The following HFM1 variants were observed in gnomAD, a reference collection of about 807,000 sequenced individuals.
HFM1 encodes the protein helicase for meiosis 1, also known as probable ATP-dependent DNA helicase HFM1.
HFM1 carries 169 observed loss-of-function variants against 192.1 expected under a neutral mutation model. The ratio of observed to expected loss-of-function variants is 0.88; its 90% CI spans 0.78 to 1.00. HFM1 has a LOEUF of 1.00. Among genes scored for constraint, HFM1 ranks in the 50% least tolerant of loss-of-function variants. The pLI, the probability that HFM1 is intolerant of heterozygous loss-of-function variation, is 0.00. For missense variants in HFM1, 1,661 were observed against 1,668.0 expected, an observed-to-expected ratio of 1.00 and a Z score of 0.07; for synonymous variants, 525 against 537.8, an observed-to-expected ratio of 0.98 and a Z score of 0.33.
intron 20 of HFM1, among the ~76,000 whole-genome samples, chr1:91,339,486 G>A (rs145425402): frequency 6.6e-6 from 1 of 152,008 alleles, no homozygotes; most frequent in South Asian, 2.1e-4. Flanking sequence ...CTCACTGCAA[G>A]AATTTCATAA....
chr1:91,391,483 C>G (rs927362385), intron 4 of HFM1, among the ~76,000 whole-genome samples: 31 of 152,090 alleles, frequency 2.0e-4, no homozygotes, highest in African/African-American at 5.8e-4. Context: ...ACAAACCTGA[C>G]AAAAACAAGA....
At chr1:91,356,658 C>A in intron 13 of HFM1, among the ~76,000 whole-genome samples, 2 of 148,564 alleles carry the variant, frequency 1.3e-5, no homozygotes, top group Non-Finnish European at 3.0e-5. Context: ...AGAAAATGAT[C>A]AATAAAACCA....
At chr1:91,346,302 T>A (rs1457340287) in intron 19 of HFM1, among the ~76,000 whole-genome samples, 1 of 152,228 alleles carries the variant, frequency 6.6e-6, no homozygotes, top group African/African-American at 2.4e-5. Flanking sequence ...TATATCTCTT[T>A]GTCTAATTTC....
In HFM1 at chr1:91,375,549, G is replaced by C. The variant is rs1660806295; in HGVS notation, c.1574C>G (p.Ser525Cys). The C allele has an allele frequency of 1.2e-6, 2 of 1,613,144 alleles. No individual in the cohort carries two copies. The highest frequency in any genetic ancestry group is 1.3e-5 in the African/African-American group (1 of 74,864). ...TACCACAAGTGTGGGTTTCTGATCAGAGTACATTTGTATAACACTGGCAAT... is the reference window on the plus strand; with the variant it reads ...TACCACAAGTGTGGGTTTCTGATCACAGTACATTTGTATAACACTGGCAAT... ...YKIASVIQMYSDQKPTLVFCA... is the reference protein window; with the variant it reads ...YKIASVIQMYCDQKPTLVFCA... Residue 525 changes from serine (S) to cysteine (C), a missense_variant, in exon 12 of 39, where the codon TCT (serine) becomes TGT (cysteine). Ser to Cys is a moderately radical substitution (Grantham distance 112). Coordinates refer to ENST00000370425, the MANE Select transcript of HFM1 (RefSeq NM_001017975.6).
intron 2 of HFM1, among the ~76,000 whole-genome samples, chr1:91,399,087 T>A (rs1471776765): frequency 3.3e-5 from 5 of 152,208 alleles, no homozygotes; most frequent in Non-Finnish European, 1.5e-5. Context: ...ATTTTATTCA[T>A]TCATTAATCC....
At position 91,359,919 on chromosome 1, in the gene HFM1, C is replaced by G. The variant is rs533117837; in HGVS notation, c.1686-6620G>C. On this transcript the variant is annotated intron_variant, in intron 13 of 38. Coordinates refer to ENST00000370425, the MANE Select transcript of HFM1 (RefSeq NM_001017975.6). Reference sequence around the variant, plus strand: ...GAAACTCATCAAACTAACAGTGGATCTCTCAGCAGAAAACCTACAAGCCAG... The same window carrying G: ...GAAACTCATCAAACTAACAGTGGATGTCTCAGCAGAAAACCTACAAGCCAG... Among the ~76,000 whole-genome samples the G allele has an allele frequency of 8.7e-4, 132 of 152,332 alleles. 1 individual carries two copies. In the Middle Eastern group the frequency reaches 0.017, roughly 20 times the overall value.
intron 1 of HFM1, among the ~76,000 whole-genome samples, chr1:91,403,840 C>T (rs1237225209): frequency 6.6e-6 from 1 of 152,092 alleles, no homozygotes; most frequent in Non-Finnish European, 1.5e-5. Context: ...ATATTAATGA[C>T]AATTCACCAT....
At chr1:91,380,817 C>A (rs282033) in intron 7 of HFM1, 95 bp downstream of exon 7, 696,529 of 696,774 alleles carry the variant, frequency 1, 348,142 homozygotes, top group Non-Finnish European at 1. Flanking sequence ...TGTGGCAGTG[C>A]AGACATAAAG....
chr1:91,313,270 T>C lies in HFM1; in HGVS notation c.3391+79A>G. The C allele has an allele frequency of 7.1e-6, 5 of 706,596 alleles. No individual in the cohort carries two copies. In the South Asian group the frequency reaches 1.2e-4, roughly 17 times the overall value. 43.8% of individuals were successfully genotyped at this position (706,596 alleles called of 1,614,324 possible). A position where few individuals can be genotyped will look rare whatever the true frequency, so the allele number is the denominator to read the frequency against. ...TCCAGAGTATCCTCAATCTGAGTGT[T>C]GCAGTACTATAACACTGATACTCCT... On this transcript the variant is annotated intron_variant, in intron 30 of 38. Transcript: ENST00000370425.
chr1:91,292,237 G>A (rs1355778492), intron 30 of HFM1, among the ~76,000 whole-genome samples: 5 of 146,080 alleles, frequency 3.4e-5, no homozygotes, highest in African/African-American at 1.0e-4. Context: ...AAGAGTATTC[G>A]ATTAGGAAAA....
At chr1:91,385,081 C>A in intron 6 of HFM1, 106 bp downstream of exon 6, 1 of 768,934 alleles carries the variant, frequency 1.3e-6, no homozygotes, top group South Asian at 1.8e-5. Context: ...TTAATTTTTC[C>A]CTCTTTTTCT....
intron 13 of HFM1, among the ~76,000 whole-genome samples, chr1:91,358,886 G>T (rs1333241582): frequency 6.6e-6 from 1 of 152,144 alleles, no homozygotes; most frequent in Non-Finnish European, 1.5e-5. Flanking sequence ...TACTCCCTGG[G>T]GATGGAGCTT....
At position 91,274,726 on chromosome 1, in the gene HFM1, G is replaced by C. The variant is rs777239338; in HGVS notation, c.3668+4C>G. The C allele has an allele frequency of 7.1e-7, 1 of 1,400,434 alleles. No homozygotes were observed. The highest frequency in any genetic ancestry group is 1.0e-6 in the Non-Finnish European group (1 of 989,762). 86.8% of individuals were successfully genotyped at this position (1,400,434 alleles called of 1,614,324 possible). Reference sequence around the variant, plus strand: ...TACCTTAGATATTAACATTATATTTGTACCTTGATATACTAGGAAGGGAAG... The same window carrying C: ...TACCTTAGATATTAACATTATATTTCTACCTTGATATACTAGGAAGGGAAG... On this transcript the variant is annotated splice_donor_region_variant and intron_variant, in intron 33 of 38. Transcript: ENST00000370425.
At chr1:91,292,588 G>A (rs907655131) in intron 30 of HFM1, among the ~76,000 whole-genome samples, 8 of 151,970 alleles carry the variant, frequency 5.3e-5, no homozygotes, top group Admixed American at 2.6e-4. Flanking sequence ...CCATGCTCAC[G>A]GGTAGGAAGA....
At chr1:91,279,907 C>T (rs182127063) in intron 30 of HFM1, among the ~76,000 whole-genome samples, 1 of 151,604 alleles carries the variant, frequency 6.6e-6, no homozygotes, top group Non-Finnish European at 1.5e-5. Context: ...ACAGGGAACA[C>T]TAAAATAGAA....
At chr1:91,288,125 A>T (rs2100888566) in intron 30 of HFM1, among the ~76,000 whole-genome samples, 1 of 151,312 alleles carries the variant, frequency 6.6e-6, no homozygotes, top group South Asian at 2.1e-4. Flanking sequence ...CCAATCTAGC[A>T]AGGCAGGCCA....
intron 20 of HFM1, chr1:91,338,981 G>A (rs765409550): frequency 1.1e-5 from 5 of 455,720 alleles, no homozygotes; most frequent in African/African-American, 1.0e-4. Context: ...ACAAAGCCAT[G>A]AGCATGCAGC....
chr1:91,346,265 A>C (rs1379795637), intron 19 of HFM1, among the ~76,000 whole-genome samples: 1 of 152,232 alleles, frequency 6.6e-6, no homozygotes, highest in East Asian at 1.9e-4. Flanking sequence ...CAAGAGATAA[A>C]ACATTAAAGT....
rs1262368560 is a variant in HFM1 at position 91,353,120 on chromosome 1, CATG to C, written c.1759_1761del (p.His587del). 1 of 1,610,836 alleles carries C rather than the reference CATG, an allele frequency of 6.2e-7. No homozygotes were observed. Among genetic ancestry groups the C allele is most frequent in the African/African-American group, 1.3e-5 (1 of 74,806 alleles). Reference sequence around the variant, plus strand: ...TTTCTATCTGACAGCTCCATACCAGCATGATGATAAGCAGCACCATCTTTTAAG... The same window carrying C: ...TTTCTATCTGACAGCTCCATACCAGCATGATAAGCAGCACCATCTTTTAAG... On this transcript the variant is annotated inframe_deletion, in exon 15 of 39. Transcript: ENST00000370425.
Sources: allele counts gnomAD v4.1 joint callset (sites outside exome capture counted in the v4.1 genomes callset), GRCh38; gene constraint gnomAD v4.1.1; transcripts MANE v1.5; gene names NCBI Gene and HGNC (gene_info 2026-07-23, HGNC 2026-07-21).